Variants in TRAPPC9 observed in about 807,000 individuals in gnomAD.
TRAPPC9 encodes trafficking protein particle complex subunit 9.
A neutral mutation model predicts 124.0 loss-of-function variants in TRAPPC9; 83 were observed. The observed-to-expected ratio is 0.67, with a 90% CI of 0.56 to 0.80. The LOEUF (loss-of-function observed/expected upper bound fraction) is 0.80. TRAPPC9 is among the 30% of genes least tolerant of loss of function. The pLI is 0.00. For missense variants in TRAPPC9, 1,302 were observed against 1,508.3 expected (o/e 0.86, Z 2.27); for synonymous variants, 638 against 617.5 (o/e 1.03, Z -0.49).
intron 17 of TRAPPC9, among the ~76,000 whole-genome samples, chr8:140,150,787 G>T (rs2061532109): frequency 1.3e-5 from 2 of 151,678 alleles, no homozygotes; most frequent in Admixed American, 1.3e-4. Flanking sequence ...GGCAAGAGGA[G>T]GAAGACCCTC....
chr8:140,126,438 A>G (rs2061099500), intron 17 of TRAPPC9, among the ~76,000 whole-genome samples: 1 of 152,152 alleles, frequency 6.6e-6, no homozygotes, highest in Non-Finnish European at 1.5e-5. Flanking sequence ...CTCTCAAGGA[A>G]CGTCGGTGGA....
chr8:140,044,789 T>A (rs912239311), intron 17 of TRAPPC9, among the ~76,000 whole-genome samples: 4 of 152,246 alleles, frequency 2.6e-5, no homozygotes, highest in African/African-American at 9.6e-5. Context: ...TTTTTCCTAA[T>A]GCACAGCTGC....
intron 8 of TRAPPC9, 64 bp downstream of exon 8, chr8:140,370,900 T>C: frequency 6.3e-7 from 1 of 1,583,718 alleles, no homozygotes; most frequent in Non-Finnish European, 8.7e-7. Context: ...GGGCAGGGGC[T>C]GAAACAGCAT....
At chr8:140,325,725 A>T (rs2066717954) in intron 9 of TRAPPC9, among the ~76,000 whole-genome samples, 1 of 152,248 alleles carries the variant, frequency 6.6e-6, no homozygotes, top group Non-Finnish European at 1.5e-5. Flanking sequence ...CTTTCAGAAA[A>T]CAAAGGAGCG....
intron 6 of TRAPPC9, among the ~76,000 whole-genome samples, chr8:140,399,845 T>C (rs1040870415): frequency 1.3e-5 from 2 of 152,190 alleles, no homozygotes; most frequent in Non-Finnish European, 2.9e-5. Context: ...GACAATAATC[T>C]GACTCTGTGT....
chr8:139,761,136 A>G (rs943073622), intron 21 of TRAPPC9, among the ~76,000 whole-genome samples: 33 of 152,198 alleles, frequency 2.2e-4, no homozygotes, highest in African/African-American at 7.5e-4. Context: ...TCTGTTGTCT[A>G]CTTACTTCAC....
At chr8:140,032,762 T>C (rs1271552615) in intron 17 of TRAPPC9, among the ~76,000 whole-genome samples, 1 of 152,184 alleles carries the variant, frequency 6.6e-6, no homozygotes, top group Non-Finnish European at 1.5e-5. Context: ...TCAAGGGAGA[T>C]TTCTGGGTCA....
chr8:140,005,364 C>G (rs144710098), intron 18 of TRAPPC9, among the ~76,000 whole-genome samples: 1 of 152,160 alleles, frequency 6.6e-6, no homozygotes, highest in Non-Finnish European at 1.5e-5. Context: ...GGGGAAGGAA[C>G]GCAGCACACA....
At chr8:139,868,672 C>T (rs538330279) in intron 21 of TRAPPC9, among the ~76,000 whole-genome samples, 4 of 152,294 alleles carry the variant, frequency 2.6e-5, no homozygotes, top group South Asian at 2.1e-4. Flanking sequence ...TCCCCTAAAG[C>T]GTAGTAATAA....
chr8:140,120,612 C>CCAA (rs1433138480), intron 17 of TRAPPC9, among the ~76,000 whole-genome samples: 1 of 148,234 alleles, frequency 6.7e-6, no homozygotes, highest in Non-Finnish European at 1.5e-5. Context: ...CATCCAACAT[C>CCAA]CATCCATCCG....
intron 11 of TRAPPC9, among the ~76,000 whole-genome samples, chr8:140,292,361 G>T (rs559480480): frequency 6.6e-6 from 1 of 152,208 alleles, no homozygotes; most frequent in African/African-American, 2.4e-5. Flanking sequence ...CACAGCAAGC[G>T]AGAGGAGCTG....
rs145351783 is a variant in TRAPPC9, at chr8:139,811,978, G to A, written c.3055+73901C>T. 2.2e-4 allele frequency among the ~76,000 whole-genome samples: 33 copies of A among 152,288 alleles called. No homozygotes were observed. The East Asian group carries it at 6.2e-3, about 28-fold the overall frequency. ...ATAGATGAGAGTCCAGAGGCTTGCT[G>A]GGGACAGTGGGAGGAATGTGCCAGG... On this transcript the variant is annotated intron_variant, in intron 21 of 22. Transcript: ENST00000438773.
intron 16 of TRAPPC9, among the ~76,000 whole-genome samples, chr8:140,245,829 TC>T (rs1462224813): frequency 2.6e-5 from 4 of 152,210 alleles, no homozygotes; most frequent in Non-Finnish European, 4.4e-5. Flanking sequence ...TGCTGTGTTC[TC>T]CCAGCAGGAG....
At chr8:140,232,101 T>C (rs1185075107) in intron 16 of TRAPPC9, among the ~76,000 whole-genome samples, 1 of 151,498 alleles carries the variant, frequency 6.6e-6, no homozygotes. Flanking sequence ...CATCTTAAAA[T>C]AGAGATGGGT....
intron 14 of TRAPPC9, among the ~76,000 whole-genome samples, chr8:140,281,124 A>G (rs919704046): frequency 2.0e-5 from 3 of 152,180 alleles, no homozygotes; most frequent in African/African-American, 7.2e-5. Flanking sequence ...CTGTGTCAAC[A>G]TATGTGTTCC....
At chr8:140,023,239 C>T (rs866904153) in intron 18 of TRAPPC9, among the ~76,000 whole-genome samples, 1 of 152,232 alleles carries the variant, frequency 6.6e-6, no homozygotes, top group Admixed American at 6.5e-5. Context: ...CTGGCAGGAG[C>T]TTCATTCACC....
intron 16 of TRAPPC9, among the ~76,000 whole-genome samples, chr8:140,247,060 A>C (rs2064005766): frequency 6.6e-6 from 1 of 152,196 alleles, no homozygotes; most frequent in South Asian, 2.1e-4. Context: ...GGATACTGTA[A>C]GAGCAGATTA....
At chr8:139,990,960 G>A (rs1437311255) in intron 18 of TRAPPC9, among the ~76,000 whole-genome samples, 1 of 152,148 alleles carries the variant, frequency 6.6e-6, no homozygotes, top group Non-Finnish European at 1.5e-5. Flanking sequence ...GCTCCCATCA[G>A]TTGAGTCTGG....
chr8:140,217,340 A>T (rs1299733348), intron 17 of TRAPPC9, among the ~76,000 whole-genome samples: 1 of 152,192 alleles, frequency 6.6e-6, no homozygotes, highest in Non-Finnish European at 1.5e-5. Context: ...GGCACAAGGA[A>T]GGTGGGAGGA....
Sources: allele counts gnomAD v4.1 joint callset (sites outside exome capture counted in the v4.1 genomes callset), GRCh38; gene constraint gnomAD v4.1.1; transcripts MANE v1.5; gene names NCBI Gene and HGNC (gene_info 2026-07-23, HGNC 2026-07-21).